Variants in SPAG16 observed in about 807,000 individuals in gnomAD.
SPAG16 encodes the protein sperm associated antigen 16, also known as sperm-associated antigen 16 protein.
In SPAG16, 86 loss-of-function variants were observed where a neutral mutation model predicts 80.4. The observed-to-expected ratio is 1.07, with a 90% confidence interval of 0.90 to 1.28. SPAG16 has a LOEUF of 1.28. SPAG16 is among the 50% of genes most tolerant of loss of function. The pLI is 0.00. For synonymous variants in SPAG16, 294 were observed against 265.9 expected (o/e 1.11, Z -1.03); for missense variants, 870 against 765.3 (o/e 1.14, Z -1.61).
chr2:214,119,656 A>T (rs974353780), intron 14 of SPAG16, among the ~76,000 whole-genome samples: 8 of 152,050 alleles, frequency 5.3e-5, no homozygotes, highest in African/African-American at 1.9e-4. Context: ...TTAGTCATGT[A>T]AATCTTTGAT....
At chr2:213,780,947 C>A (rs1482409130) in intron 10 of SPAG16, among the ~76,000 whole-genome samples, 1 of 152,098 alleles carries the variant, frequency 6.6e-6, no homozygotes, top group African/African-American at 2.4e-5. Context: ...CCACATGATA[C>A]TATTGGTAGT....
At chr2:214,300,460 T>C (rs1473072789) in intron 15 of SPAG16, among the ~76,000 whole-genome samples, 1 of 152,166 alleles carries the variant, frequency 6.6e-6, no homozygotes, top group African/African-American at 2.4e-5. Flanking sequence ...AGTCCAATGT[T>C]ATGATTTTTA....
At chr2:214,025,792 A>G (rs2048097819) in intron 13 of SPAG16, among the ~76,000 whole-genome samples, 2 of 151,568 alleles carry the variant, frequency 1.3e-5, no homozygotes, top group African/African-American at 4.8e-5. Flanking sequence ...ATTTCATTCA[A>G]TAAAGAAAAT....
chr2:214,361,961 C>T (rs1699215080), intron 15 of SPAG16, among the ~76,000 whole-genome samples: 1 of 151,864 alleles, frequency 6.6e-6, no homozygotes, highest in Non-Finnish European at 1.5e-5. Flanking sequence ...GGCCTTTCAT[C>T]TTTAGAACTG....
At chr2:214,395,067 T>C (rs1274565936) in intron 15 of SPAG16, among the ~76,000 whole-genome samples, 1 of 152,210 alleles carries the variant, frequency 6.6e-6, no homozygotes, top group Admixed American at 6.5e-5. Flanking sequence ...CACTGAAGAA[T>C]ATTCCATTGT....
chr2:213,671,784 C>T (rs2015217), intron 10 of SPAG16, among the ~76,000 whole-genome samples: 62,783 of 151,904 alleles, frequency 0.41, 13,898 homozygotes, highest in African/African-American at 0.56. Flanking sequence ...GAGCAGGGCA[C>T]GTTCATTCAG....
chr2:213,710,808 C>T (rs1482722445), intron 10 of SPAG16, among the ~76,000 whole-genome samples: 1 of 152,082 alleles, frequency 6.6e-6, no homozygotes, highest in African/African-American at 2.4e-5. Flanking sequence ...AGATGTTGAC[C>T]GTGTGGTCAA....
intron 10 of SPAG16, among the ~76,000 whole-genome samples, chr2:213,500,098 C>G (rs893977146): frequency 2.6e-5 from 4 of 152,168 alleles, no homozygotes; most frequent in Non-Finnish European, 4.4e-5. Flanking sequence ...CAATCAGATT[C>G]TTTTGGCACC....
intron 10 of SPAG16, among the ~76,000 whole-genome samples, chr2:213,776,410 A>C (rs945922346): frequency 3.9e-5 from 6 of 152,198 alleles, no homozygotes; most frequent in Non-Finnish European, 8.8e-5. Context: ...CCACCAGAGC[A>C]CTCAGAAAAA....
chr2:213,803,502 G>A (rs1160723763), intron 10 of SPAG16, among the ~76,000 whole-genome samples: 2 of 152,040 alleles, frequency 1.3e-5, no homozygotes, highest in Non-Finnish European at 2.9e-5. Context: ...GAGACTATAA[G>A]TAAGCTCAAA....
At chr2:214,173,416 G>C (rs974356634) in intron 15 of SPAG16, among the ~76,000 whole-genome samples, 1 of 151,864 alleles carries the variant, frequency 6.6e-6, no homozygotes, top group Non-Finnish European at 1.5e-5. Context: ...GTAGATATGC[G>C]GCGTTATTTC....
intron 13 of SPAG16, among the ~76,000 whole-genome samples, chr2:214,081,138 T>G (rs908856254): frequency 2.0e-5 from 3 of 151,310 alleles, no homozygotes; most frequent in African/African-American, 7.3e-5. Flanking sequence ...ATTTAACATA[T>G]ATATATGCTA....
At chr2:214,245,736 A>G (rs1213904014) in intron 15 of SPAG16, among the ~76,000 whole-genome samples, 1 of 152,156 alleles carries the variant, frequency 6.6e-6, no homozygotes, top group African/African-American at 2.4e-5. Flanking sequence ...ACTCAAGCAA[A>G]TAATTTTCAG....
At chr2:213,941,832 A>G (rs528254654) in intron 12 of SPAG16, among the ~76,000 whole-genome samples, 89 of 152,150 alleles carry the variant, frequency 5.8e-4, no homozygotes, top group Non-Finnish European at 8.5e-4. Context: ...CTTGTTTGCA[A>G]TGTGGATATT....
chr2:213,705,115 G>T (rs527544337), intron 10 of SPAG16, among the ~76,000 whole-genome samples: 1 of 152,106 alleles, frequency 6.6e-6, no homozygotes, highest in African/African-American at 2.4e-5. Context: ...CAAAAATTAG[G>T]GGGGTGCCTA....
At chr2:213,393,633 T>G (rs76741367) in intron 9 of SPAG16, among the ~76,000 whole-genome samples, 1,709 of 152,176 alleles carry the variant, frequency 0.011, 19 homozygotes, top group South Asian at 0.058. Flanking sequence ...AGATTTTCTG[T>G]AGGACACAAA....
At chr2:214,224,358 T>G (rs910503556) in intron 15 of SPAG16, among the ~76,000 whole-genome samples, 12 of 152,174 alleles carry the variant, frequency 7.9e-5, no homozygotes, top group African/African-American at 2.9e-4. Context: ...CATAAATATA[T>G]GTACACATAA....
At chr2:213,296,165 G>A in intron 2 of SPAG16, 55 bp downstream of exon 2, 1 of 1,244,274 alleles carries the variant, frequency 8.0e-7, no homozygotes, top group Non-Finnish European at 1.2e-6. Context: ...TCATTCTCAT[G>A]AAATGCTCAT....
At chr2:214,331,655 C>T (rs915804244) in intron 15 of SPAG16, among the ~76,000 whole-genome samples, 1 of 151,100 alleles carries the variant, frequency 6.6e-6, no homozygotes, top group African/African-American at 2.4e-5. Context: ...AATGGTACCC[C>T]GTCCAAGCAA....
Sources: gnomAD v4.1 joint callset for allele counts (sites outside exome capture counted in the v4.1 genomes callset) on GRCh38, gnomAD v4.1.1 for gene constraint, MANE v1.5 for transcripts, NCBI Gene and HGNC (gene_info 2026-07-23, HGNC 2026-07-21) for gene names.